DDX60: variants seen among roughly 807,000 people sequenced by gnomAD.
The protein encoded by DDX60 is probable ATP-dependent RNA helicase DDX60.
Under a neutral mutation model 212.8 loss-of-function variants are expected in DDX60, and 165 were observed. That is an observed-to-expected ratio of 0.78 (90% CI 0.68 to 0.88). The LOEUF (loss-of-function observed/expected upper bound fraction) is 0.88, where lower values mean the gene tolerates loss of function less well. Among genes scored for constraint, DDX60 ranks in the 40% least tolerant of loss-of-function variants. The pLI, the probability that DDX60 is intolerant of heterozygous loss-of-function variation, is 0.00. For synonymous variants in DDX60, 703 were observed against 685.3 expected (o/e 1.03, Z -0.40); for missense variants, 1,905 against 2,003.9 (o/e 0.95, Z 0.94).
Position 168,293,819 on chromosome 4 carries a change from GCTCT to G in DDX60, c.846_849del (p.Arg282SerfsTer13). The G allele has an allele frequency of 6.2e-7, 1 of 1,613,300 alleles. No homozygotes were observed. Among genetic ancestry groups the G allele is most frequent in the Non-Finnish European group, 8.5e-7 (1 of 1,179,668 alleles). On this transcript the variant is annotated frameshift_variant, in exon 7 of 38. Transcript: ENST00000393743. LOFTEE classifies it high-confidence loss of function. ...ATCTCAGTTTCCTGACCAGAGGAGGGCTCTCTGTTTCCTAAAAAGCGATGGTACA... is the reference window on the plus strand; with the variant it reads ...ATCTCAGTTTCCTGACCAGAGGAGGGCTGTTTCCTAAAAAGCGATGGTACA...
intron 27 of DDX60, 140 bp from the exon 28 acceptor site, chr4:168,251,246 G>C: frequency 1.3e-6 from 1 of 755,050 alleles, no homozygotes; most frequent in Non-Finnish European, 2.1e-6. Context: ...TGAATACAAA[G>C]AACATTATGG....
chr4:168,246,728 C>A, intron 29 of DDX60, 110 bp from the exon 30 acceptor site: 1 of 1,146,482 alleles, frequency 8.7e-7, no homozygotes, highest in East Asian at 2.5e-5. Flanking sequence ...GTGCATATGT[C>A]TAACCATTAA....
intron 33 of DDX60, among the ~76,000 whole-genome samples, chr4:168,227,509 A>G (rs539132222): frequency 6.6e-6 from 1 of 152,154 alleles, no homozygotes; most frequent in South Asian, 2.1e-4. Context: ...CAAAGAACCA[A>G]CTTAGAGGCT....
chr4:168,272,310 G>C (rs947786662), intron 18 of DDX60, among the ~76,000 whole-genome samples, 172 bp from the exon 19 acceptor site: 76 of 152,128 alleles, frequency 5.0e-4, no homozygotes, highest in African/African-American at 1.8e-3. Flanking sequence ...TATATTCATT[G>C]GAACCATATG....
rs1273690297 is a variant in DDX60, at chr4:168,306,466, T to A, written c.519A>T (p.Val173=). ...CATCAGATTCTTGCCCTGAGGAAAG[T>A]ACAACGTTGACCTTCCTTGCCCAAG... ...IHSWARKVNV[V]LSSGQESDVL... Residue 173 remains valine (V), a synonymous_variant, in exon 5 of 38, where the codon GTA becomes GTT. Transcript: ENST00000393743. The A allele has an allele frequency of 1.2e-6, 2 of 1,614,034 alleles. No individual in the cohort carries two copies. The highest frequency in any genetic ancestry group is 3.3e-5 in the Admixed American group (2 of 60,004).
At chr4:168,267,818 T>C (rs1196743753) in intron 21 of DDX60, 23 bp downstream of exon 21, 1 of 1,584,482 alleles carries the variant, frequency 6.3e-7, no homozygotes, top group African/African-American at 1.4e-5. Context: ...AAGGCAAGCT[T>C]TATATAAATA....
chr4:168,314,517 AAAAG>A (rs1176196482), intron 1 of DDX60, among the ~76,000 whole-genome samples: 4 of 152,224 alleles, frequency 2.6e-5, no homozygotes, highest in African/African-American at 9.6e-5. Flanking sequence ...GAGAAAGAGA[AAAAG>A]AAAGCATGCA....
At chr4:168,246,115 G>A (rs1048480993) in intron 30 of DDX60, among the ~76,000 whole-genome samples, 3 of 152,178 alleles carry the variant, frequency 2.0e-5, no homozygotes, top group African/African-American at 4.8e-5. Context: ...GTCACCTAGA[G>A]CTTTTTAAAT....
At chr4:168,268,779 A>T in intron 20 of DDX60, 75 bp downstream of exon 20, 1 of 844,404 alleles carries the variant, frequency 1.2e-6, no homozygotes, top group Non-Finnish European at 1.8e-6. Flanking sequence ...ACTCCTCAGA[A>T]TCCACAGAGA....
rs1311260705 is a variant in DDX60, at chr4:168,262,277, C to T, written c.3145-149G>A. ...TCTCCACATGGCTTCTAATGCATAA[C>T]GTTACTAGGATGGATGAGCTCTTCA... On this transcript the variant is annotated intron_variant, in intron 23 of 37. Coordinates refer to ENST00000393743, the MANE Select transcript of DDX60 (RefSeq NM_017631.6). The T allele has an allele frequency of 7.5e-6, 6 of 796,116 alleles. No homozygotes were observed. In the South Asian group the frequency reaches 8.4e-5, roughly 11 times the overall value. The allele number at this position is 796,116 out of a possible 1,614,324, so 49.3% of individuals were successfully genotyped here.
chr4:168,293,585 C>A (rs1560866360), intron 7 of DDX60, among the ~76,000 whole-genome samples: 1 of 152,142 alleles, frequency 6.6e-6, no homozygotes, highest in Admixed American at 6.6e-5. Context: ...CTAAGTGAAA[C>A]ATGCACATAG....
At chr4:168,302,504 A>C (rs1736688778) in intron 5 of DDX60, 88 bp from the exon 6 acceptor site, 2 of 573,494 alleles carry the variant, frequency 3.5e-6, no homozygotes, top group Non-Finnish European at 5.6e-6. Flanking sequence ...TTTTAGATAT[A>C]ATTATGTTAC....
chr4:168,269,178 A>G (rs528560819), intron 19 of DDX60, among the ~76,000 whole-genome samples: 3 of 152,200 alleles, frequency 2.0e-5, no homozygotes, highest in African/African-American at 7.2e-5. Flanking sequence ...CTTCAACTCA[A>G]TGCATTTCTC....
intron 6 of DDX60, among the ~76,000 whole-genome samples, chr4:168,294,902 C>A (rs1736273897): frequency 6.6e-6 from 1 of 152,208 alleles, no homozygotes; most frequent in South Asian, 2.1e-4. Context: ...GACAAACGAC[C>A]TGGACAGTCA....
intron 7 of DDX60, among the ~76,000 whole-genome samples, 169 bp from the exon 8 acceptor site, chr4:168,292,075 G>A (rs1167240807): frequency 7.9e-6 from 1 of 127,124 alleles, no homozygotes; most frequent in African/African-American, 3.2e-5. Flanking sequence ...TTGAGACAGA[G>A]TTTTGCTCTT....
chr4:168,296,723 GAAA>G (rs921692600), intron 6 of DDX60, among the ~76,000 whole-genome samples: 1 of 151,560 alleles, frequency 6.6e-6, no homozygotes, highest in Admixed American at 6.6e-5. Context: ...ATAATAGCAG[GAAA>G]AAAAATTCAC....
At chr4:168,295,839 A>C (rs1736318340) in intron 6 of DDX60, among the ~76,000 whole-genome samples, 1 of 152,200 alleles carries the variant, frequency 6.6e-6, no homozygotes. Flanking sequence ...AAACGGGGGG[A>C]AATCCTGTCA....
intron 37 of DDX60, among the ~76,000 whole-genome samples, chr4:168,219,132 A>G (rs545617023): frequency 5.3e-5 from 8 of 151,804 alleles, no homozygotes; most frequent in Non-Finnish European, 1.0e-4. Context: ...AATACCAAAA[A>G]AAAAAAAAAA....
chr4:168,237,680 G>T lies in DDX60; in HGVS notation c.4269+11C>A, dbSNP rs752848935. The T allele has an allele frequency of 8.1e-6, 13 of 1,603,122 alleles. No individual in the cohort carries two copies. Among genetic ancestry groups the T allele is most frequent in the Non-Finnish European group, 8.5e-6 (10 of 1,172,602 alleles). On this transcript the variant is annotated intron_variant, in intron 31 of 37. Transcript: ENST00000393743. ...TGCTATTTCCCAAAACAAAAGTGCA[G>T]TAATGCATACCTCTTTCACCAGGAA...
Sources: allele counts gnomAD v4.1 joint callset (sites outside exome capture counted in the v4.1 genomes callset), GRCh38; gene constraint gnomAD v4.1.1; transcripts MANE v1.5; gene names NCBI Gene and HGNC (gene_info 2026-07-23, HGNC 2026-07-21).